Variants in TIMP2 observed in about 807,000 individuals in gnomAD.
TIMP2 encodes the protein metalloproteinase inhibitor 2.
Under a neutral mutation model 24.3 loss-of-function variants are expected in TIMP2, and 5 were observed. That is an observed-to-expected ratio of 0.21 (90% CI 0.11 to 0.43). The LOEUF (loss-of-function observed/expected upper bound fraction) is 0.43, where lower values mean the gene tolerates loss of function less well. TIMP2 is among the 20% of genes least tolerant of loss of function. The probability of loss-of-function intolerance (pLI) is 1.00; values close to 1 mark genes in which losing one functional copy is unlikely to be tolerated. For synonymous variants in TIMP2, 130 were observed against 123.2 expected (o/e 1.06, Z -0.37); for missense variants, 221 against 297.5 (o/e 0.74, Z 1.89).
At chr17:78,880,408 C>T (rs894746221) in intron 1 of TIMP2, among the ~76,000 whole-genome samples, 15 of 152,152 alleles carry the variant, frequency 9.9e-5, no homozygotes, top group African/African-American at 3.6e-4. Context: ...CCTCGAAAGG[C>T]CGGGTGCAGT....
intron 1 of TIMP2, among the ~76,000 whole-genome samples, chr17:78,874,515 T>A (rs78314917): frequency 1.6e-3 from 250 of 152,300 alleles, no homozygotes; most frequent in African/African-American, 5.5e-3. Context: ...GGGTCTTACA[T>A]CTGGAAAGGT....
intron 3 of TIMP2, among the ~76,000 whole-genome samples, chr17:78,861,132 G>A (rs1404120677): frequency 6.6e-6 from 1 of 152,054 alleles, no homozygotes; most frequent in Non-Finnish European, 1.5e-5. Context: ...GAGCAAAACA[G>A]ACAGATGGAA....
In TIMP2 at chr17:78,920,862, A is replaced by T. The variant is rs1022236335; in HGVS notation, c.130+4097T>A. On this transcript the variant is annotated intron_variant, in intron 1 of 4. Coordinates refer to ENST00000262768, the MANE Select transcript of TIMP2 (RefSeq NM_003255.5). This position sits in a 1 kb window ranked among gnomAD's most constrained non-coding sequence, Gnocchi z 4.5. ...ACACCGCCTGGTGCCAAGATGTACC[A>T]CCCCCTGCATCCCCCACCACAGGGA... Among the ~76,000 whole-genome samples, 1 of 150,906 alleles carries T rather than the reference A, an allele frequency of 6.6e-6. No individual in the cohort carries two copies. The highest frequency in any genetic ancestry group is 6.6e-5 in the Admixed American group (1 of 15,118).
At chr17:78,888,080 A>G (rs1406020326) in intron 1 of TIMP2, among the ~76,000 whole-genome samples, 1 of 152,078 alleles carries the variant, frequency 6.6e-6, no homozygotes, top group Non-Finnish European at 1.5e-5. Flanking sequence ...ACTAAACACT[A>G]TGTTTAGCAT....
chr17:78,874,888 C>T (rs2069716449), intron 1 of TIMP2, among the ~76,000 whole-genome samples: 1 of 152,110 alleles, frequency 6.6e-6, no homozygotes, highest in Admixed American at 6.5e-5. Flanking sequence ...TTATAGGCAG[C>T]TGCCACCACA....
At chr17:78,873,795 C>G (rs761032239) in intron 2 of TIMP2, 24 bp downstream of exon 2, 4 of 1,599,388 alleles carry the variant, frequency 2.5e-6, no homozygotes, top group Non-Finnish European at 3.4e-6. Flanking sequence ...CAGTGCAGCC[C>G]GGGATGCCGG....
chr17:78,891,436 T>C lies in TIMP2; in HGVS notation c.131-17517A>G, dbSNP rs1182940862. 1.3e-6 allele frequency: 2 copies of C among 1,550,954 alleles called. No homozygotes were observed. Among genetic ancestry groups the C allele is most frequent in the Middle Eastern group, 1.7e-4 (1 of 5,994 alleles). ...GTGCCAGGTACAAGCACAGGTGTTT[T>C]TTCAGCTTTCTGTTTATATTAAACA... On this transcript the variant is annotated intron_variant, in intron 1 of 4. Transcript: ENST00000262768. The surrounding 1 kb of genome is among the most constrained non-coding windows in gnomAD (Gnocchi z 4.5).
At chr17:78,897,105 C>A (rs1289261485) in intron 1 of TIMP2, 2 of 552,714 alleles carry the variant, frequency 3.6e-6, no homozygotes, top group Non-Finnish European at 4.6e-6. Context: ...ACCCCCCCGC[C>A]CCCCGCCGGC....
chr17:78,867,152 T>C (rs949121223), intron 3 of TIMP2, among the ~76,000 whole-genome samples: 49 of 152,104 alleles, frequency 3.2e-4, no homozygotes, highest in African/African-American at 1.1e-3. Flanking sequence ...TCCCAGCTAC[T>C]TGGGTGGCTG....
chr17:78,890,338 G>A (rs2069869085), intron 1 of TIMP2, among the ~76,000 whole-genome samples: 1 of 151,966 alleles, frequency 6.6e-6, no homozygotes, highest in South Asian at 2.1e-4. Flanking sequence ...AGTAGCTGAG[G>A]TTACAGGCAC....
At chr17:78,917,251 CAAAAA>C (rs10592875) in intron 1 of TIMP2, among the ~76,000 whole-genome samples, 1 of 77,432 alleles carries the variant, frequency 1.3e-5, no homozygotes, top group African/African-American at 5.6e-5. Context: ...GACTCCGTCT[CAAAAA>C]AAAAAAAAAA....
intron 3 of TIMP2, among the ~76,000 whole-genome samples, chr17:78,863,433 G>A (rs572876760): frequency 2.0e-4 from 30 of 152,136 alleles, no homozygotes; most frequent in Non-Finnish European, 3.2e-4. Context: ...TAGTAGAGAC[G>A]GGATTTCACT....
At chr17:78,881,266 G>C (rs960098283) in intron 1 of TIMP2, among the ~76,000 whole-genome samples, 2 of 152,222 alleles carry the variant, frequency 1.3e-5, no homozygotes. Flanking sequence ...AGCACTGGCA[G>C]GGAAAGCGCC....
intron 1 of TIMP2, chr17:78,897,609 G>A (rs958753133): frequency 2.6e-5 from 4 of 152,186 alleles, no homozygotes; most frequent in South Asian, 2.1e-4. Context: ...AAATCAACGC[G>A]GCAGACGTTG....
chr17:78,872,704 C>T (rs543342723), intron 2 of TIMP2, among the ~76,000 whole-genome samples: 1 of 152,330 alleles, frequency 6.6e-6, no homozygotes, highest in Non-Finnish European at 1.5e-5. Flanking sequence ...AGAGCAGATC[C>T]TCTTTCCTGC....
At chr17:78,892,417 C>CG (rs2069915898) in intron 1 of TIMP2, 1 of 1,549,332 alleles carries the variant, frequency 6.5e-7, no homozygotes, top group Non-Finnish European at 8.7e-7. Flanking sequence ...GGGGCGCCCC[C>CG]GGGCCTGAGG....
Position 78,925,008 on chromosome 17 carries a change from G to A in TIMP2, c.81C>T (p.Cys27=). ...LATLLRPADA[C]SCSPVHPQQA... Reference sequence around the variant, plus strand: ...GTTGCGGGTGCACCGGGGAGCAGCTGCAGGCGTCGGCCGGGCGAAGCAGCG... The same window carrying A: ...GTTGCGGGTGCACCGGGGAGCAGCTACAGGCGTCGGCCGGGCGAAGCAGCG... The change falls in exon 1 of 5, where the codon TGC becomes TGT. Residue 27 remains cysteine (C), a synonymous_variant. Transcript: ENST00000262768. The A allele has an allele frequency of 2.3e-6, 3 of 1,291,514 alleles. No individual in the cohort carries two copies. Among genetic ancestry groups the A allele is most frequent in the Non-Finnish European group, 2.0e-6 (2 of 1,009,514 alleles). 80.0% of individuals were successfully genotyped at this position (1,291,514 alleles called of 1,614,324 possible). A position where few individuals can be genotyped will look rare whatever the true frequency, so the allele number is the denominator to read the frequency against.
At chr17:78,892,566 A>G in intron 1 of TIMP2, 3 of 1,449,978 alleles carry the variant, frequency 2.1e-6, no homozygotes, top group Non-Finnish European at 2.7e-6. Flanking sequence ...CAGGCTGCAA[A>G]ATGTGCCCCT....
intron 1 of TIMP2, among the ~76,000 whole-genome samples, chr17:78,918,078 A>ACACACACACACACACGCG (rs1555652983): frequency 1.3e-5 from 2 of 149,144 alleles, no homozygotes; most frequent in African/African-American, 2.5e-5. Context: ...ACACACACAC[A>ACACACACACACACACGCG]CACACACACA....
Sources: gnomAD v4.1 joint callset for allele counts (sites outside exome capture counted in the v4.1 genomes callset) on GRCh38, gnomAD v4.1.1 for gene constraint, Gnocchi (gnomAD v3.1) non-coding constraint, MANE v1.5 for transcripts, NCBI Gene and HGNC (gene_info 2026-07-23, HGNC 2026-07-21) for gene names.